The following IL6ST variants were observed in gnomAD, a reference collection of about 807,000 sequenced individuals.
IL6ST encodes the protein interleukin 6 cytokine family signal transducer.
In IL6ST, 24 loss-of-function variants were observed where a neutral mutation model predicts 91.3. That is an observed-to-expected ratio of 0.26 (90% CI 0.19 to 0.37). The LOEUF (loss-of-function observed/expected upper bound fraction) is 0.37, where lower values mean the gene tolerates loss of function less well. Among genes scored for constraint, IL6ST ranks in the 10% least tolerant of loss-of-function variants. The pLI, the probability that IL6ST is intolerant of heterozygous loss-of-function variation, is 1.00. For synonymous variants in IL6ST, 351 were observed against 373.6 expected (o/e 0.94, Z 0.70); for missense variants, 914 against 1,078.5 (o/e 0.85, Z 2.14).
intron 3 of IL6ST, among the ~76,000 whole-genome samples, chr5:55,975,232 G>T (rs1198050410): frequency 2.0e-5 from 3 of 152,060 alleles, no homozygotes; most frequent in Non-Finnish European, 4.4e-5. Flanking sequence ...CATAGGGGTG[G>T]ATTTCTCACT....
intron 8 of IL6ST, among the ~76,000 whole-genome samples, chr5:55,959,120 A>G (rs1448651151): frequency 2.0e-5 from 3 of 152,208 alleles, no homozygotes; most frequent in Non-Finnish European, 4.4e-5. Context: ...GATTATGTAC[A>G]CTTGTCCATT....
At chr5:55,947,854 C>T (rs888992988) in intron 14 of IL6ST, among the ~76,000 whole-genome samples, 1 of 152,130 alleles carries the variant, frequency 6.6e-6, no homozygotes, top group African/African-American at 2.4e-5. Flanking sequence ...TAAAAATGAT[C>T]AGTGTATCGG....
At chr5:55,962,416 C>T (rs920027296) in intron 7 of IL6ST, among the ~76,000 whole-genome samples, 1 of 152,112 alleles carries the variant, frequency 6.6e-6, no homozygotes, top group Non-Finnish European at 1.5e-5. Flanking sequence ...TGGTGATAGC[C>T]TTTTTAAAAG....
Position 55,963,444 on chromosome 5 carries a change from T to C in IL6ST, c.721A>G (p.Lys241Glu), listed in dbSNP as rs150242954. 546 of 1,608,336 alleles carry C rather than the reference T, an allele frequency of 3.4e-4. 1 individual carries two copies. In the Admixed American group the frequency reaches 6.1e-3, roughly 18 times the overall value. The stretch of plus-strand genomic sequence containing the variant: ...ATACTTGGGTTGGTCCATGTCAATT[T>C]TAAGATACTAGACAGTTCCTCTGAG... ...INSEELSSILKLTWTNPSIKS... is the reference protein window; with the variant it reads ...INSEELSSILELTWTNPSIKS... The change falls in exon 7 of 17, where the codon AAA becomes GAA. Residue 241 changes from lysine (K) to glutamate (E), a missense_variant. Coordinates refer to ENST00000381298, the MANE Select transcript of IL6ST (RefSeq NM_002184.4).
At chr5:55,975,390 G>A (rs1311183015) in intron 3 of IL6ST, among the ~76,000 whole-genome samples, 1 of 152,068 alleles carries the variant, frequency 6.6e-6, no homozygotes, top group Non-Finnish European at 1.5e-5. Context: ...TGCCATGACT[G>A]GAAACTTCCC....
At chr5:55,944,557 TA>T in intron 15 of IL6ST, 1 of 479,234 alleles carries the variant, frequency 2.1e-6, no homozygotes, top group Non-Finnish European at 3.8e-6. Flanking sequence ...CCCAAATAAA[TA>T]AAGAAATAAA....
chr5:55,958,019 G>A (rs1752089825), intron 8 of IL6ST, among the ~76,000 whole-genome samples: 1 of 152,122 alleles, frequency 6.6e-6, no homozygotes. Context: ...TTTATATAAG[G>A]ATGATTGAGA....
chr5:55,947,174 G>A (rs1751318799), intron 15 of IL6ST, among the ~76,000 whole-genome samples: 1 of 152,048 alleles, frequency 6.6e-6, no homozygotes, highest in Admixed American at 6.6e-5. Flanking sequence ...ACTCCATCCT[G>A]GGCAACAAGA....
chr5:55,960,467 T>C lies in IL6ST; in HGVS notation c.908A>G (p.Lys303Arg). Residue 303 changes from lysine to arginine, a missense_variant, in exon 8 of 17, where the codon AAG (lysine) becomes AGG (arginine). Coordinates refer to ENST00000381298, the MANE Select transcript of IL6ST (RefSeq NM_002184.4). ...ACTCCAGTATCCCTTACCATCTTCC[T>C]TCATACAGCGAATCCTAAACACATA... is the stretch of plus-strand genomic sequence containing the variant. ...TEYVFRIRCM[K>R]EDGKGYWSDW... 6.2e-7 allele frequency: 1 copy of C among 1,614,052 alleles called. No individual in the cohort carries two copies. The highest frequency in any genetic ancestry group is 8.5e-7 in the Non-Finnish European group (1 of 1,179,918).
chr5:55,949,424 A>T (rs1014793710), intron 14 of IL6ST, among the ~76,000 whole-genome samples: 5 of 152,104 alleles, frequency 3.3e-5, no homozygotes, highest in African/African-American at 1.2e-4. Context: ...GCAGTGAGCT[A>T]TGACTGCACC....
In IL6ST at chr5:55,943,030, T is replaced by C. The variant is rs112734646; in HGVS notation, c.1938-279A>G. Among the ~76,000 whole-genome samples, 18 of 152,252 alleles carry C rather than the reference T, an allele frequency of 1.2e-4. 2 individuals are homozygous for C. The highest frequency in any genetic ancestry group is 3.9e-4 in the African/African-American group (16 of 41,558). ...TTTTTAAACTCTCAAAATTCTGCAA[T>C]TAAAACCACTTAAAATCTTTACCCA... On this transcript the variant is annotated intron_variant, in intron 15 of 16. Transcript: ENST00000381298.
chr5:55,982,800 C>A lies in IL6ST; in HGVS notation c.-92G>T. 2.5e-6 allele frequency: 1 copy of A among 398,202 alleles called. No individual in the cohort carries two copies. Among genetic ancestry groups the A allele is most frequent in the East Asian group, 3.6e-5 (1 of 27,984 alleles). 24.7% of individuals were successfully genotyped at this position (398,202 alleles called of 1,614,324 possible). ...CTACTTCTAAATGTCATGCTTTTTC[C>A]ATTGGGTTTCACTGTAAAGAGAGGA... On this transcript the variant is annotated 5_prime_UTR_variant, in exon 2 of 17. An upstream start codon of the reference 5' UTR is lost. Coordinates refer to ENST00000381298, the MANE Select transcript of IL6ST (RefSeq NM_002184.4).
At chr5:55,980,545 G>A (rs1001527236) in intron 2 of IL6ST, among the ~76,000 whole-genome samples, 6 of 152,054 alleles carry the variant, frequency 3.9e-5, no homozygotes, top group Admixed American at 2.0e-4. Flanking sequence ...GTGAAACTCC[G>A]TCTCAAAAAA....
chr5:55,989,957 G>A (rs1754216227), intron 1 of IL6ST, among the ~76,000 whole-genome samples: 1 of 152,082 alleles, frequency 6.6e-6, no homozygotes, highest in South Asian at 2.1e-4. Flanking sequence ...TTTGCACTAG[G>A]GGGTGGGGTT....
At chr5:55,980,690 CTAAAA>C (rs1753609367) in intron 2 of IL6ST, among the ~76,000 whole-genome samples, 2 of 151,894 alleles carry the variant, frequency 1.3e-5, no homozygotes, top group African/African-American at 4.8e-5. Flanking sequence ...CTCCCTGAAC[CTAAAA>C]TAAAAGCTAA....
chr5:55,979,142 A>G (rs1753492753), intron 2 of IL6ST, among the ~76,000 whole-genome samples: 1 of 152,180 alleles, frequency 6.6e-6, no homozygotes. Context: ...CTGTCATATC[A>G]GCACTTTGGG....
At position 55,938,018 on chromosome 5, in the gene IL6ST, G is replaced by T. The variant is rs1750644716; in HGVS notation, c.*3064C>A. The stretch of plus-strand genomic sequence containing the variant: ...ATGTCATGGTTTTAACTAGTTAAAT[G>T]GGTAGAAAAAAGACATCTTTAATAA... On this transcript the variant is annotated 3_prime_UTR_variant, in exon 17 of 17. Transcript: ENST00000381298. The T allele has an allele frequency of 5.3e-6, 1 of 189,366 alleles. No individual in the cohort carries two copies. Among genetic ancestry groups the T allele is most frequent in the African/African-American group, 2.3e-5 (1 of 42,960 alleles). The allele number at this position is 189,366 out of a possible 1,614,324, so 11.7% of individuals were successfully genotyped here.
At chr5:55,972,112 A>C (rs2111829114) in intron 3 of IL6ST, among the ~76,000 whole-genome samples, 1 of 152,340 alleles carries the variant, frequency 6.6e-6, no homozygotes, top group Non-Finnish European at 1.5e-5. Context: ...TCTCTAAAGT[A>C]ATCATAGGGA....
chr5:55,952,496 T>C (rs925524269), intron 11 of IL6ST, 145 bp from the exon 12 acceptor site: 12 of 533,868 alleles, frequency 2.2e-5, no homozygotes, highest in African/African-American at 1.3e-4. Flanking sequence ...GTCTTTTGTG[T>C]ACTGGATTCA....
Sources: gnomAD v4.1 joint callset for allele counts (sites outside exome capture counted in the v4.1 genomes callset) on GRCh38, gnomAD v4.1.1 for gene constraint, MANE v1.5 for transcripts, NCBI Gene and HGNC (gene_info 2026-07-23, HGNC 2026-07-21) for gene names.